Variants in ADPRHL1 observed in about 807,000 individuals in gnomAD.
The protein encoded by ADPRHL1 is ADP-ribosylhydrolase like 1.
ADPRHL1 carries 43 observed loss-of-function variants against 44.1 expected under a neutral mutation model. The ratio of observed to expected loss-of-function variants is 0.98; its 90% CI spans 0.76 to 1.26. The LOEUF (loss-of-function observed/expected upper bound fraction) is 1.26, where lower values mean the gene tolerates loss of function less well. Ranked by LOEUF, ADPRHL1 falls within the 50% of genes most tolerant of loss-of-function variation. The pLI is 0.00. For missense variants in ADPRHL1, 2,022 were observed against 2,496.9 expected, an observed-to-expected ratio of 0.81 and a Z score of 4.05; for synonymous variants, 878 against 1,017.4, an observed-to-expected ratio of 0.86 and a Z score of 2.61.
In ADPRHL1 at chr13:113,453,194, G is replaced by A. The variant is rs374922964; in HGVS notation, c.214+30C>T. ...GAGCAGCCAGTGTTCCCTCCAGCCC[G>A]CACACCGGAGCGCGGTGGGCCCAGC... is the stretch of plus-strand genomic sequence containing the variant. On this transcript the variant is annotated intron_variant, in intron 1 of 7. Coordinates refer to ENST00000612156, the MANE Select transcript of ADPRHL1 (RefSeq NM_001394807.1). The surrounding 1 kb of genome is among the most constrained non-coding windows in gnomAD (Gnocchi z 5.4). 1.2e-4 allele frequency: 200 copies of A among 1,611,660 alleles called. No homozygotes were observed. The highest frequency in any genetic ancestry group is 1.5e-4 in the Non-Finnish European group (179 of 1,178,494).
chr13:113,444,002 G>C (rs1320974567), intron 2 of ADPRHL1, among the ~76,000 whole-genome samples: 3 of 152,128 alleles, frequency 2.0e-5, no homozygotes, highest in South Asian at 4.1e-4. Flanking sequence ...AAACAAAAAG[G>C]CAAGGCATAC....
rs2043959213 is a variant in ADPRHL1 at position 113,425,173 on chromosome 13, T to C, written c.653A>G (p.Gln218Arg). 3 of 1,610,256 alleles carry C rather than the reference T, an allele frequency of 1.9e-6. No homozygotes were observed. The highest frequency in any genetic ancestry group is 2.5e-6 in the Non-Finnish European group (3 of 1,179,462). Residue 218 changes from glutamine to arginine, a missense_variant, in exon 5 of 8, where the codon CAG becomes CGG. By Grantham distance (43) the Gln-to-Arg change is conservative. This residue lies in a region of ADPRHL1 where 437 missense variants were observed against 430.7 expected (regional missense o/e 1.01). Transcript: ENST00000612156. Reference protein sequence around the residue: ...RKTIRHTAEYQEHWFYFEAKW... With the variant: ...RKTIRHTAEYREHWFYFEAKW... The stretch of plus-strand genomic sequence containing the variant: ...AGCTTCAAAGTAAAACCAGTGCTCC[T>C]GGTATTCTAAACATAAAGAACAAGG...
intron 2 of ADPRHL1, among the ~76,000 whole-genome samples, chr13:113,434,981 G>C (rs796763981): frequency 2.0e-5 from 2 of 100,732 alleles, no homozygotes; most frequent in African/African-American, 7.9e-5. Context: ...CCGGCACCCA[G>C]GTGTAGAGTG....
At position 113,400,701 on chromosome 13, in the gene ADPRHL1, G is replaced by A. The variant is rs1482466822; in HGVS notation, c.*2677C>T. ...TCAAATCCTGGTGAAGTCACTGGCAGTTTTTTCCTGCACACAGAGTAGCTG... is the reference window on the plus strand; with the variant it reads ...TCAAATCCTGGTGAAGTCACTGGCAATTTTTTCCTGCACACAGAGTAGCTG... On this transcript the variant is annotated 3_prime_UTR_variant, in exon 8 of 8. Transcript: ENST00000612156. The A allele has an allele frequency of 6.6e-6, 1 of 152,254 alleles. No individual in the cohort carries two copies. The highest frequency in any genetic ancestry group is 2.4e-5 in the African/African-American group (1 of 41,450). The allele number at this position is 152,254 out of a possible 1,614,324, so 9.4% of individuals were successfully genotyped here.
chr13:113,425,944 G>T (rs1306936149), intron 4 of ADPRHL1, among the ~76,000 whole-genome samples: 1 of 152,160 alleles, frequency 6.6e-6, no homozygotes, highest in African/African-American at 2.4e-5. Context: ...GCTTCCCAAA[G>T]TGCTGGGATT....
intron 1 of ADPRHL1, among the ~76,000 whole-genome samples, chr13:113,451,546 G>C (rs1175030368): frequency 6.6e-6 from 1 of 152,156 alleles, no homozygotes; most frequent in Non-Finnish European, 1.5e-5. Context: ...GGTGGCTCAC[G>C]CCTGTCATCC....
At chr13:113,418,388 G>A (rs2043897619) in intron 7 of ADPRHL1, among the ~76,000 whole-genome samples, 1 of 152,184 alleles carries the variant, frequency 6.6e-6, no homozygotes, top group African/African-American at 2.4e-5. Flanking sequence ...CGGCTGCCCT[G>A]CCCACTCAAG....
rs2044190816 is a variant in ADPRHL1 at position 113,453,355 on chromosome 13, G to C, written c.83C>G (p.Thr28Ser). 1 of 1,614,098 alleles carries C rather than the reference G, an allele frequency of 6.2e-7. No homozygotes were observed. Among genetic ancestry groups the C allele is most frequent in the Non-Finnish European group, 8.5e-7 (1 of 1,180,046 alleles). The change falls in exon 1 of 8, where the codon ACT (threonine) becomes AGT (serine). Residue 28 changes from threonine (T) to serine (S), a missense_variant. Thr to Ser is a moderately conservative substitution (Grantham distance 58). Transcript: ENST00000612156. The surrounding 1 kb of genome is among the most constrained non-coding windows in gnomAD (Gnocchi z 5.4). ...CTCCTCCTGGATCTTCATGCCTACA[G>C]TGCTGTTCTCCTTGCAGACATTTCT... ...GYRNVCKENS[T>S]VGMKIQEELQ...
chr13:113,418,980 T>TTCCCTCCCTCCCTCCCTCCC lies in ADPRHL1; in HGVS notation c.1061+3826_1061+3845dup, dbSNP rs1174404083. Among the ~76,000 whole-genome samples the TTCCCTCCCTCCCTCCCTCCC allele has an allele frequency of 2.2e-4, 23 of 105,638 alleles. 2 individuals carry two copies. Among genetic ancestry groups the TTCCCTCCCTCCCTCCCTCCC allele is most frequent in the Non-Finnish European group, 4.3e-4 (21 of 48,286 alleles). 69.3% of individuals were successfully genotyped at this position (105,638 alleles called of 152,430 possible). A position where few individuals can be genotyped will look rare whatever the true frequency, so the allele number is the denominator to read the frequency against. ...GGTTGTATAATGTGCCCTCTTTTCC[T>TTCCCTCCCTCCCTCCCTCCC]TCCCTCCCTCCCTCCCTCCCTTCCT... On this transcript the variant is annotated intron_variant, in intron 7 of 7. Coordinates refer to ENST00000612156, the MANE Select transcript of ADPRHL1 (RefSeq NM_001394807.1).
At chr13:113,426,083 G>A (rs2043966269) in intron 4 of ADPRHL1, among the ~76,000 whole-genome samples, 1 of 151,998 alleles carries the variant, frequency 6.6e-6, no homozygotes, top group African/African-American at 2.4e-5. Context: ...GGCGTGGCAT[G>A]TTTCATTACT....
At chr13:113,418,221 A>G (rs1265519283) in intron 7 of ADPRHL1, among the ~76,000 whole-genome samples, 4 of 152,176 alleles carry the variant, frequency 2.6e-5, no homozygotes, top group Admixed American at 2.0e-4. Context: ...TGGGGGTAGT[A>G]AAAAGGGCCC....
chr13:113,446,825 T>A (rs2044142072), intron 1 of ADPRHL1, among the ~76,000 whole-genome samples: 1 of 152,220 alleles, frequency 6.6e-6, no homozygotes, highest in Non-Finnish European at 1.5e-5. Flanking sequence ...CACAGTGTTG[T>A]CTACATGCAC....
intron 7 of ADPRHL1, among the ~76,000 whole-genome samples, chr13:113,414,186 G>A (rs1167787359): frequency 6.6e-6 from 1 of 152,216 alleles, no homozygotes; most frequent in Non-Finnish European, 1.5e-5. Context: ...CTGTCTGGCT[G>A]TTCCAGGAGC....
At chr13:113,437,949 GCCTC>G (rs1367978806) in intron 2 of ADPRHL1, among the ~76,000 whole-genome samples, 3 of 152,230 alleles carry the variant, frequency 2.0e-5, no homozygotes, top group Admixed American at 6.5e-5. Context: ...TCCTGCCTCA[GCCTC>G]CTGAGTAGCT....
At chr13:113,428,836 G>A in intron 4 of ADPRHL1, 116 bp downstream of exon 4, 3 of 1,484,772 alleles carry the variant, frequency 2.0e-6, no homozygotes, top group Admixed American at 1.8e-5. Flanking sequence ...CCCGGACAGG[G>A]CCCTCCCAGT....
rs2043834090 is a variant in ADPRHL1, at chr13:113,409,390, T to TG, written c.1062-1171dup. On this transcript the variant is annotated intron_variant, in intron 7 of 7. Coordinates refer to ENST00000612156, the MANE Select transcript of ADPRHL1 (RefSeq NM_001394807.1). This position sits in a 1 kb window ranked among gnomAD's most constrained non-coding sequence, Gnocchi z 4.2. ...TTCATTCTAAGGAGATCATCAGGGATGAGGAACAAAGACTCGAGTATTACA... is the reference window on the plus strand; with the variant it reads ...TTCATTCTAAGGAGATCATCAGGGATGGAGGAACAAAGACTCGAGTATTACA... 1 of 985,234 alleles carries TG rather than the reference T, an allele frequency of 1.0e-6. No homozygotes were observed. The highest frequency in any genetic ancestry group is 1.2e-6 in the Non-Finnish European group (1 of 829,920). 61.0% of individuals were successfully genotyped at this position (985,234 alleles called of 1,614,324 possible).
intron 3 of ADPRHL1, among the ~76,000 whole-genome samples, chr13:113,430,704 G>A (rs969211698): frequency 2.8e-4 from 43 of 152,172 alleles, no homozygotes; most frequent in African/African-American, 9.2e-4. Context: ...GATAAAAGGC[G>A]GGGGTGGCAC....
chr13:113,404,841 T>C lies in ADPRHL1; in HGVS notation c.4441A>G (p.Ser1481Gly). 1 of 1,248,574 alleles carries C rather than the reference T, an allele frequency of 8.0e-7. No individual in the cohort carries two copies. Among genetic ancestry groups the C allele is most frequent in the South Asian group, 3.6e-5 (1 of 27,536 alleles). The allele number at this position is 1,248,574 out of a possible 1,614,324, so 77.3% of individuals were successfully genotyped here. A position where few individuals can be genotyped will look rare whatever the true frequency, so the allele number is the denominator to read the frequency against. Residue 1481 changes from serine to glycine, a missense_variant, in exon 8 of 8, where the codon AGC becomes GGC. Physicochemically the swap from Ser to Gly is moderately conservative, Grantham distance 56 (BLOSUM62 0). This residue lies in a region of ADPRHL1 where 1,221 missense variants were observed against 1,517.8 expected (regional missense o/e 0.80). Transcript: ENST00000612156. The stretch of plus-strand genomic sequence containing the variant: ...TGGGCCTGTCCTTGGGCTGCCGGGC[T>C]TCCCGGCCCCTCGGGCTCCCCTGGA... ...VPPGEPEGPGSPAAQGQAQKQ... is the reference protein window; with the variant it reads ...VPPGEPEGPGGPAAQGQAQKQ...
At chr13:113,440,004 G>T (rs1286406865) in intron 2 of ADPRHL1, among the ~76,000 whole-genome samples, 1 of 152,084 alleles carries the variant, frequency 6.6e-6, no homozygotes, top group Non-Finnish European at 1.5e-5. Context: ...ATTCTCAATT[G>T]TTTTGATCTC....
Sources: allele counts gnomAD v4.1 joint callset (sites outside exome capture counted in the v4.1 genomes callset), GRCh38; gene constraint gnomAD v4.1.1; regional missense constraint gnomAD v4.1.1; non-coding constraint Gnocchi (gnomAD v3.1); transcripts MANE v1.5; gene names NCBI Gene and HGNC (gene_info 2026-07-23, HGNC 2026-07-21).